Variants in CLNK observed in about 807,000 individuals in gnomAD.
CLNK encodes the protein cytokine-dependent hematopoietic cell linker.
Under a neutral mutation model 68.6 loss-of-function variants are expected in CLNK, and 74 were observed. The ratio of observed to expected loss-of-function variants is 1.08; its 90% CI spans 0.89 to 1.31. The LOEUF (loss-of-function observed/expected upper bound fraction) is 1.31. Among genes scored for constraint, CLNK ranks in the 50% most tolerant of loss-of-function variants. The pLI is 0.00. For synonymous variants in CLNK, 198 were observed against 172.2 expected, an observed-to-expected ratio of 1.15 and a Z score of -1.17; for missense variants, 553 against 515.3, an observed-to-expected ratio of 1.07 and a Z score of -0.71.
At chr4:10,699,349 C>CACACCACATACGTGTGTGTAT in the CLNK span, among the ~76,000 whole-genome samples, 37 of 146,020 alleles carry the variant, frequency 2.5e-4, no homozygotes, top group African/African-American at 8.8e-4. Flanking sequence ...TGTATACACA[C>CACACCACATACGTGTGTGTAT]ACACACACAC....
chr4:10,716,231 C>A, the CLNK span, among the ~76,000 whole-genome samples: 1 of 152,044 alleles, frequency 6.6e-6, no homozygotes, highest in Non-Finnish European at 1.5e-5. Context: ...GTTTTTTCAC[C>A]TTTTGTTGGC....
intron 18 of CLNK, among the ~76,000 whole-genome samples, chr4:10,494,488 C>CA (rs890895687): frequency 2.7e-5 from 4 of 146,590 alleles, no homozygotes; most frequent in African/African-American, 1.0e-4. Context: ...GATGGAGTCT[C>CA]ACTCTGTCAC....
At chr4:10,660,899 TAC>T (rs1328506928) in intron 2 of CLNK, among the ~76,000 whole-genome samples, 1 of 152,224 alleles carries the variant, frequency 6.6e-6, no homozygotes, top group East Asian at 1.9e-4. Flanking sequence ...GCTTTTTAAT[TAC>T]TAGCCAACCA....
rs1226822639 is a variant in CLNK, at chr4:10,558,392, T to G, written c.445+15A>C. The G allele has an allele frequency of 2.5e-6, 4 of 1,612,492 alleles. No homozygotes were observed. The highest frequency in any genetic ancestry group is 3.4e-6 in the Non-Finnish European group (4 of 1,178,686). ...TTCATACTTACATTTTAAACTTCGA[T>G]TAACATGACTTTACCTTTAATGTTT... On this transcript the variant is annotated intron_variant, in intron 8 of 18. Transcript: ENST00000226951.
intron 8 of CLNK, among the ~76,000 whole-genome samples, chr4:10,556,947 G>A (rs190104716): frequency 6.6e-6 from 1 of 152,056 alleles, no homozygotes; most frequent in Non-Finnish European, 1.5e-5. Flanking sequence ...ATGGTGGAAT[G>A]CATCTGTAAT....
the CLNK span, among the ~76,000 whole-genome samples, chr4:10,727,121 C>G: frequency 2.0e-5 from 3 of 152,290 alleles, no homozygotes; most frequent in African/African-American, 7.2e-5. Flanking sequence ...ACAACTCATT[C>G]TCAAACCGTA....
intron 12 of CLNK, chr4:10,531,683 C>T (rs1026306602): frequency 5.3e-5 from 24 of 454,832 alleles, no homozygotes; most frequent in South Asian, 1.9e-4. Flanking sequence ...TCAGGTGATC[C>T]GCCCACCTCG....
At chr4:10,611,132 A>T (rs1721999260) in intron 2 of CLNK, among the ~76,000 whole-genome samples, 1 of 152,224 alleles carries the variant, frequency 6.6e-6, no homozygotes, top group African/African-American at 2.4e-5. Context: ...ATCCTGCCCA[A>T]CATGGTGAAA....
At chr4:10,613,939 A>G (rs1722130835) in intron 2 of CLNK, among the ~76,000 whole-genome samples, 1 of 152,262 alleles carries the variant, frequency 6.6e-6, no homozygotes, top group African/African-American at 2.4e-5. Flanking sequence ...TTAAGATTCC[A>G]GAGGAAGCAG....
the CLNK span, among the ~76,000 whole-genome samples, chr4:10,718,707 T>C: frequency 6.6e-6 from 1 of 151,990 alleles, no homozygotes. Context: ...TTAAGAAATC[T>C]TGGAACATCA....
chr4:10,729,174 G>C, the CLNK span, among the ~76,000 whole-genome samples: 1 of 152,014 alleles, frequency 6.6e-6, no homozygotes, highest in East Asian at 1.9e-4. Flanking sequence ...TGTCCTGTTT[G>C]GCACTCTGTA....
chr4:10,525,993 T>A (rs1351205159), intron 13 of CLNK, 71 bp from the exon 14 acceptor site: 7 of 829,850 alleles, frequency 8.4e-6, no homozygotes, highest in Non-Finnish European at 1.4e-5. Context: ...AGAAGCCCAC[T>A]GGAACTACTA....
At chr4:10,501,797 G>A (rs754670323) in intron 17 of CLNK, among the ~76,000 whole-genome samples, 7 of 152,102 alleles carry the variant, frequency 4.6e-5, no homozygotes, top group Non-Finnish European at 1.0e-4. Flanking sequence ...CATGGTGGCG[G>A]GCGCCTGTAA....
chr4:10,647,306 T>C (rs1723550796), intron 2 of CLNK, among the ~76,000 whole-genome samples: 2 of 152,302 alleles, frequency 1.3e-5, no homozygotes, highest in Admixed American at 6.5e-5. Context: ...CTCAGGCTTG[T>C]TGGAGGTCCT....
chr4:10,591,404 A>T (rs1721173197), intron 3 of CLNK, among the ~76,000 whole-genome samples: 1 of 152,220 alleles, frequency 6.6e-6, no homozygotes, highest in African/African-American at 2.4e-5. Flanking sequence ...TGCAACTGGA[A>T]TTCTCAGACT....
chr4:10,695,248 C>T, the CLNK span, among the ~76,000 whole-genome samples: 1 of 152,158 alleles, frequency 6.6e-6, no homozygotes, highest in African/African-American at 2.4e-5. Context: ...ATGATTTAAT[C>T]ATTCCACAAT....
the CLNK span, among the ~76,000 whole-genome samples, chr4:10,717,582 C>T: frequency 3.3e-5 from 5 of 151,918 alleles, no homozygotes; most frequent in African/African-American, 7.3e-5. Context: ...GGTGACAGGG[C>T]GAGACTCCAA....
At chr4:10,667,722 C>T (rs529778213) in intron 2 of CLNK, 137 bp downstream of exon 2, 17 of 286,526 alleles carry the variant, frequency 5.9e-5, no homozygotes, top group Admixed American at 4.3e-4. Flanking sequence ...CCCACAATCT[C>T]AACCATGGCC....
At chr4:10,723,453 C>A in the CLNK span, among the ~76,000 whole-genome samples, 1 of 152,182 alleles carries the variant, frequency 6.6e-6, no homozygotes, top group South Asian at 2.1e-4. Context: ...CTCTCTGAAT[C>A]TCTCTCTCCT....
Sources: allele counts gnomAD v4.1 joint callset (sites outside exome capture counted in the v4.1 genomes callset), GRCh38; gene constraint gnomAD v4.1.1; transcripts MANE v1.5; gene names NCBI Gene and HGNC (gene_info 2026-07-23, HGNC 2026-07-21).